The following HNRNPD variants were observed in gnomAD, a reference collection of about 807,000 sequenced individuals.
HNRNPD encodes the protein heterogeneous nuclear ribonucleoprotein D0.
In HNRNPD, 3 loss-of-function variants were observed where a neutral mutation model predicts 47.9. The ratio of observed to expected loss-of-function variants is 0.06; its 90% confidence interval spans 0.03 to 0.16. The LOEUF is 0.16. Ranked by LOEUF, HNRNPD falls within the 10% of genes least tolerant of loss-of-function variation. HNRNPD has a pLI of 1.00. For synonymous variants in HNRNPD, 171 were observed against 165.1 expected, an observed-to-expected ratio of 1.04 and a Z score of -0.28; for missense variants, 287 against 454.2, an observed-to-expected ratio of 0.63 and a Z score of 3.35.
intron 2 of HNRNPD, among the ~76,000 whole-genome samples, chr4:82,364,571 GCCA>G (rs1332128534): frequency 6.6e-6 from 1 of 152,036 alleles, no homozygotes; most frequent in Non-Finnish European, 1.5e-5. Context: ...AAAGGAAAAG[GCCA>G]CAATGAGTTT....
In HNRNPD at chr4:82,358,832, G is replaced by GGAAAACCT; in HGVS notation, c.460-13_460-12insAGGTTTTC. On this transcript the variant is annotated splice_polypyrimidine_tract_variant and intron_variant, in intron 3 of 8. Coordinates refer to ENST00000313899, the MANE Select transcript of HNRNPD (RefSeq NM_031370.3). ...TTTTGATCCATGACCTAAGGAAATT[G>GGAAAACCT]AAGTTTTCATTTAAAAAATATATAT... is the stretch of plus-strand genomic sequence containing the variant. The GGAAAACCT allele has an allele frequency of 6.4e-7, 1 of 1,567,588 alleles. No individual in the cohort carries two copies. The highest frequency in any genetic ancestry group is 8.6e-7 in the Non-Finnish European group (1 of 1,159,216).
chr4:82,360,203 A>T (rs1723901403), intron 2 of HNRNPD, among the ~76,000 whole-genome samples: 1 of 152,154 alleles, frequency 6.6e-6, no homozygotes, highest in African/African-American at 2.4e-5. Context: ...TGCAATATAA[A>T]CAATTTAGTG....
chr4:82,353,926 T>A lies in HNRNPD; in HGVS notation c.*259A>T, dbSNP rs866632766. ...TAACACAAGACTTGCTCTACAATAC[T>A]GGGGGAAAGGGCATAAAACACAAAT... On this transcript the variant is annotated 3_prime_UTR_variant, in exon 9 of 9. Transcript: ENST00000313899. 1 of 152,594 alleles carries A rather than the reference T, an allele frequency of 6.6e-6. No homozygotes were observed. Among genetic ancestry groups the A allele is most frequent in the Admixed American group, 6.5e-5 (1 of 15,270 alleles). 9.5% of individuals were successfully genotyped at this position (152,594 alleles called of 1,614,324 possible). A position where few individuals can be genotyped will look rare whatever the true frequency, so the allele number is the denominator to read the frequency against.
At chr4:82,368,247 A>C (rs1043139522) in intron 2 of HNRNPD, among the ~76,000 whole-genome samples, 1 of 152,176 alleles carries the variant, frequency 6.6e-6, no homozygotes, top group Non-Finnish European at 1.5e-5. Context: ...TAAATAGTAT[A>C]CTCAATATGT....
chr4:82,371,468 C>A, intron 2 of HNRNPD, 60 bp downstream of exon 2: 1 of 1,326,950 alleles, frequency 7.5e-7, no homozygotes, highest in Admixed American at 1.9e-5. Context: ...AATACACAGC[C>A]TCTACATATT....
At chr4:82,370,506 C>G (rs567496710) in intron 2 of HNRNPD, among the ~76,000 whole-genome samples, 2 of 150,498 alleles carry the variant, frequency 1.3e-5, no homozygotes, top group African/African-American at 4.9e-5. Context: ...GAATAACATT[C>G]ATCGAAACTG....
intron 2 of HNRNPD, among the ~76,000 whole-genome samples, chr4:82,365,079 C>T (rs1050804608): frequency 1.1e-4 from 17 of 152,176 alleles, no homozygotes; most frequent in Middle Eastern, 3.4e-3. Flanking sequence ...TTTTTAGAGA[C>T]GAGATCTTGC....
chr4:82,365,407 C>T (rs1719699207), intron 2 of HNRNPD, among the ~76,000 whole-genome samples: 2 of 152,002 alleles, frequency 1.3e-5, no homozygotes, highest in South Asian at 2.1e-4. Context: ...AATTATTCTT[C>T]TAAAATCCTA....
intron 2 of HNRNPD, 95 bp downstream of exon 2, chr4:82,371,433 C>T: frequency 1.1e-6 from 1 of 929,550 alleles, no homozygotes; most frequent in Non-Finnish European, 1.7e-6. Context: ...TCTAGAATTT[C>T]CTGGGGATCA....
intron 2 of HNRNPD, 74 bp from the exon 3 acceptor site, chr4:82,359,713 C>A: frequency 1.1e-6 from 1 of 910,430 alleles, no homozygotes. Context: ...AATAACACAC[C>A]TTTTCCAAAC....
intron 7 of HNRNPD, 175 bp downstream of exon 7, chr4:82,356,362 T>C (rs1723713257): frequency 5.1e-6 from 3 of 584,974 alleles, no homozygotes; most frequent in African/African-American, 1.9e-5. Context: ...TTATAATGTG[T>C]GTGTGATATA....
intron 2 of HNRNPD, among the ~76,000 whole-genome samples, chr4:82,369,273 T>C (rs1719912691): frequency 6.6e-6 from 1 of 152,300 alleles, no homozygotes; most frequent in African/African-American, 2.4e-5. Context: ...CCAATGCTTA[T>C]AAGTAAAAAC....
chr4:82,356,431 C>A, intron 7 of HNRNPD, 106 bp downstream of exon 7: 1 of 875,058 alleles, frequency 1.1e-6, no homozygotes, highest in Non-Finnish European at 1.8e-6. Flanking sequence ...GAATTTGAAA[C>A]CTGAAGACAT....
At chr4:82,370,603 A>T (rs1262150864) in intron 2 of HNRNPD, among the ~76,000 whole-genome samples, 1 of 151,866 alleles carries the variant, frequency 6.6e-6, no homozygotes, top group Non-Finnish European at 1.5e-5. Flanking sequence ...AGCTGGACTG[A>T]TTTCAGTGGA....
At chr4:82,365,874 G>C (rs1451573499) in intron 2 of HNRNPD, among the ~76,000 whole-genome samples, 2 of 143,224 alleles carry the variant, frequency 1.4e-5, no homozygotes, top group African/African-American at 5.4e-5. Context: ...GCCTCCCAAA[G>C]TGCTATATTA....
At chr4:82,357,269 A>AC in intron 5 of HNRNPD, 44 bp downstream of exon 5, 1 of 1,559,050 alleles carries the variant, frequency 6.4e-7, no homozygotes, top group Non-Finnish European at 8.7e-7. Flanking sequence ...TAAGCTCTTT[A>AC]CAACAGCTAG....
intron 1 of HNRNPD, 104 bp downstream of exon 1, chr4:82,373,341 GC>G: frequency 7.0e-7 from 1 of 1,430,102 alleles, no homozygotes; most frequent in African/African-American, 1.4e-5. Context: ...CTGCATGGGG[GC>G]CCGGAGAACG....
chr4:82,371,396 G>A (rs1720041236), intron 2 of HNRNPD, 132 bp downstream of exon 2: 1 of 613,954 alleles, frequency 1.6e-6, no homozygotes, highest in Non-Finnish European at 2.8e-6. Flanking sequence ...ATATATCCCA[G>A]GTACAAACCT....
At position 82,356,692 on chromosome 4, in the gene HNRNPD, C is replaced by G. The variant is rs750228933; in HGVS notation, c.854-9G>C. 3 of 1,613,608 alleles carry G rather than the reference C, an allele frequency of 1.9e-6. No homozygotes were observed. Among genetic ancestry groups the G allele is most frequent in the Non-Finnish European group, 2.5e-6 (3 of 1,179,958 alleles). ...CCAGTTTTGACTGGGGCCTGCAGCA[C>G]ATTAATAGGTTCACTAAAGTCAGAA... On this transcript the variant is annotated splice_polypyrimidine_tract_variant and intron_variant, in intron 6 of 8. Coordinates refer to ENST00000313899, the MANE Select transcript of HNRNPD (RefSeq NM_031370.3).
Sources: allele counts gnomAD v4.1 joint callset (sites outside exome capture counted in the v4.1 genomes callset), GRCh38; gene constraint gnomAD v4.1.1; transcripts MANE v1.5; gene names NCBI Gene and HGNC (gene_info 2026-07-23, HGNC 2026-07-21).